SOX30: variants seen among roughly 807,000 people sequenced by gnomAD.
SOX30 encodes the protein transcription factor SOX-30.
SOX30 carries 17 observed loss-of-function variants against 58.6 expected under a neutral mutation model. The ratio of observed to expected loss-of-function variants is 0.29; its 90% CI spans 0.20 to 0.44. SOX30 has a LOEUF of 0.44. Among genes scored for constraint, SOX30 ranks in the 20% least tolerant of loss-of-function variants. The pLI is 1.00. For synonymous variants in SOX30, 421 were observed against 400.2 expected (o/e 1.05, Z -0.62); for missense variants, 951 against 965.8 (o/e 0.98, Z 0.20).
At chr5:157,627,163 A>T (rs1758677064) in intron 4 of SOX30, among the ~76,000 whole-genome samples, 1 of 152,212 alleles carries the variant, frequency 6.6e-6, no homozygotes, top group South Asian at 2.1e-4. Flanking sequence ...AGAGATAGAG[A>T]TCATCCTGGC....
intron 1 of SOX30, among the ~76,000 whole-genome samples, chr5:157,649,746 C>T (rs967825478): frequency 6.6e-5 from 10 of 152,102 alleles, no homozygotes; most frequent in African/African-American, 2.4e-4. Flanking sequence ...GCTGAGATCA[C>T]GCCACGGTAC....
intron 2 of SOX30, among the ~76,000 whole-genome samples, chr5:157,660,096 T>C (rs774922680): frequency 7.2e-5 from 11 of 152,218 alleles, no homozygotes; most frequent in South Asian, 4.1e-4. Flanking sequence ...CCCATTCCCA[T>C]TGTAGCCTGA....
At chr5:157,647,573 G>T (rs1041822548) in intron 2 of SOX30, among the ~76,000 whole-genome samples, 2 of 151,040 alleles carry the variant, frequency 1.3e-5, no homozygotes, top group East Asian at 2.0e-4. Context: ...TATTTTTTTT[G>T]AGACAGAGTC....
intron 4 of SOX30, among the ~76,000 whole-genome samples, chr5:157,631,391 T>C (rs1458709802): frequency 6.6e-6 from 1 of 152,196 alleles, no homozygotes; most frequent in Non-Finnish European, 1.5e-5. Flanking sequence ...TATTTGATTC[T>C]ATTTCTATTC....
intron 3 of SOX30, among the ~76,000 whole-genome samples, chr5:157,642,272 C>T (rs1346453196): frequency 2.7e-5 from 4 of 149,770 alleles, no homozygotes; most frequent in African/African-American, 7.4e-5. Context: ...ACCAAGATCA[C>T]GCCACTGCAC....
At chr5:157,637,502 C>T (rs1758958649) in intron 4 of SOX30, among the ~76,000 whole-genome samples, 1 of 152,092 alleles carries the variant, frequency 6.6e-6, no homozygotes, top group Non-Finnish European at 1.5e-5. Context: ...TACTATACTC[C>T]CATATAGGAT....
chr5:157,643,105 A>C (rs1321773065), intron 3 of SOX30, among the ~76,000 whole-genome samples: 2 of 146,038 alleles, frequency 1.4e-5, no homozygotes, highest in African/African-American at 2.6e-5. Context: ...AAAACGGACA[A>C]CAACAACAAC....
chr5:157,628,177 T>TA (rs1339386180), intron 4 of SOX30, among the ~76,000 whole-genome samples: 5 of 152,068 alleles, frequency 3.3e-5, no homozygotes, highest in Non-Finnish European at 5.9e-5. Context: ...AAAAAGATTA[T>TA]ACCTCAAAAA....
chr5:157,662,614 C>A (rs568727246), intron 2 of SOX30, among the ~76,000 whole-genome samples: 6 of 152,264 alleles, frequency 3.9e-5, no homozygotes, highest in African/African-American at 9.6e-5. Context: ...AAGCCTCCCC[C>A]ACAAAAATCT....
At chr5:157,660,895 GA>G (rs1481016988) in intron 2 of SOX30, among the ~76,000 whole-genome samples, 1 of 152,086 alleles carries the variant, frequency 6.6e-6, no homozygotes, top group Non-Finnish European at 1.5e-5. Flanking sequence ...TCAATTTTGG[GA>G]AAACTGACAC....
chr5:157,653,318 A>AT (rs1357862307), upstream of SOX30, among the ~76,000 whole-genome samples: 1 of 148,178 alleles, frequency 6.7e-6, no homozygotes, highest in Non-Finnish European at 1.5e-5. Flanking sequence ...TGTAATTAGA[A>AT]TTTTCATGTG....
chr5:157,664,591 A>G (rs533393031), intron 2 of SOX30, among the ~76,000 whole-genome samples: 32 of 152,378 alleles, frequency 2.1e-4, no homozygotes, highest in Non-Finnish European at 4.1e-4. Context: ...AAAAGCCAAA[A>G]TTGACAAATG....
chr5:157,639,809 T>C (rs1236841133), intron 3 of SOX30, among the ~76,000 whole-genome samples: 1 of 152,258 alleles, frequency 6.6e-6, no homozygotes, highest in East Asian at 1.9e-4. Flanking sequence ...GACATGTCTC[T>C]GTCATAGACT....
chr5:157,664,755 G>GA (rs751208366), intron 2 of SOX30, among the ~76,000 whole-genome samples: 3 of 151,952 alleles, frequency 2.0e-5, no homozygotes, highest in Non-Finnish European at 4.4e-5. Flanking sequence ...AAATTTACAA[G>GA]AAAAAATCAA....
chr5:157,667,591 G>A (rs536067237), intron 2 of SOX30, among the ~76,000 whole-genome samples: 70 of 152,104 alleles, frequency 4.6e-4, no homozygotes, highest in Middle Eastern at 3.4e-3. Flanking sequence ...AAAATTAGCC[G>A]GATGTGGTGG....
chr5:157,659,805 T>G (rs1048612252), intron 2 of SOX30, among the ~76,000 whole-genome samples: 1 of 152,162 alleles, frequency 6.6e-6, no homozygotes, highest in African/African-American at 2.4e-5. Context: ...AATCAGGGCT[T>G]CCAGATCACA....
Position 157,638,322 on chromosome 5 carries a change from G to C in SOX30, c.1788C>G (p.Pro596=), listed in dbSNP as rs1322836969. 2 of 1,611,446 alleles carry C rather than the reference G, an allele frequency of 1.2e-6. No homozygotes were observed. Among genetic ancestry groups the C allele is most frequent in the Non-Finnish European group, 1.7e-6 (2 of 1,178,378 alleles). ...CGAACAGTGTGGCTGGATGGCCAAG[G>C]GGAGGGGGCTGGTAGACATGTGGGT... ...IPHPHVYQPP[P]LGHPATLFGT... Residue 596 remains proline (P), a synonymous_variant, in exon 4 of 5, where the codon CCC becomes CCG. Coordinates refer to ENST00000265007, the MANE Select transcript of SOX30 (RefSeq NM_178424.2).
At chr5:157,655,431 G>A (rs1302589249), upstream of SOX30, among the ~76,000 whole-genome samples, 6 of 152,174 alleles carry the variant, frequency 3.9e-5, no homozygotes, top group Admixed American at 6.5e-5. Context: ...AGCCCCTCTC[G>A]GTAAAGTCCC....
chr5:157,627,673 T>G (rs1758690071), intron 4 of SOX30, among the ~76,000 whole-genome samples: 1 of 152,078 alleles, frequency 6.6e-6, no homozygotes, highest in South Asian at 2.1e-4. Flanking sequence ...ATGTGAAGAA[T>G]CAAAAAGACA....
Sources: allele counts gnomAD v4.1 joint callset (sites outside exome capture counted in the v4.1 genomes callset), GRCh38; gene constraint gnomAD v4.1.1; transcripts MANE v1.5; gene names NCBI Gene and HGNC (gene_info 2026-07-23, HGNC 2026-07-21).